Variants in GPR39 observed in about 807,000 individuals in gnomAD.
GPR39 encodes zinc sensing receptor.
In GPR39, 23 loss-of-function variants were observed where a neutral mutation model predicts 18.4. The observed-to-expected ratio is 1.25, with a 90% CI of 0.90 to 1.77. The LOEUF (loss-of-function observed/expected upper bound fraction) is 1.77, where lower values mean the gene tolerates loss of function less well. GPR39 is among the 40% of genes most tolerant of loss of function. The probability of loss-of-function intolerance (pLI) is 0.00; values close to 1 mark genes in which losing one functional copy is unlikely to be tolerated. For missense variants in GPR39, 647 were observed against 602.4 expected (o/e 1.07, Z -0.78); for synonymous variants, 280 against 257.9 (o/e 1.09, Z -0.82).
At chr2:132,530,114 T>A (rs1304730341) in intron 1 of GPR39, among the ~76,000 whole-genome samples, 4 of 151,656 alleles carry the variant, frequency 2.6e-5, no homozygotes, top group Admixed American at 2.6e-4. Context: ...AAAAAAAAAA[T>A]TAGACGAATG....
intron 1 of GPR39, among the ~76,000 whole-genome samples, chr2:132,559,523 A>G (rs1680209604): frequency 6.6e-6 from 1 of 152,066 alleles, no homozygotes; most frequent in Non-Finnish European, 1.5e-5. Flanking sequence ...AGTGCTGAGG[A>G]TAAGAAAAGC....
intron 1 of GPR39, among the ~76,000 whole-genome samples, chr2:132,542,187 T>C (rs947777037): frequency 1.3e-5 from 2 of 152,132 alleles, no homozygotes; most frequent in African/African-American, 4.8e-5. Context: ...CATGAAACAA[T>C]ACATGCAAAG....
At chr2:132,614,692 A>G (rs1681302000) in intron 1 of GPR39, among the ~76,000 whole-genome samples, 1 of 152,122 alleles carries the variant, frequency 6.6e-6, no homozygotes, top group Non-Finnish European at 1.5e-5. Context: ...CTGAGATTAC[A>G]GGCGCATGCC....
intron 1 of GPR39, among the ~76,000 whole-genome samples, chr2:132,517,054 AT>A (rs57002536): frequency 0.018 from 2,795 of 151,410 alleles, 84 homozygotes; most frequent in African/African-American, 0.062. Context: ...TAAAATGCGC[AT>A]TTTTTTTTAA....
At position 132,440,686 on chromosome 2, in the gene GPR39, C is replaced by T. The variant is rs1263875277; in HGVS notation, c.856+22788C>T. Among the ~76,000 whole-genome samples the T allele has an allele frequency of 1.1e-4, 16 of 152,080 alleles. No homozygotes were observed. In the East Asian group the frequency reaches 1.4e-3, roughly 13 times the overall value. ...CAGTGTGGAAGGAAGGAACTCATGG[C>T]GTGCTCAGCCAAAGTACTTTAGAGA... is the stretch of plus-strand genomic sequence containing the variant. On this transcript the variant is annotated intron_variant, in intron 1 of 1. Transcript: ENST00000329321.
chr2:132,445,287 A>G (rs1680514760), intron 1 of GPR39, among the ~76,000 whole-genome samples: 1 of 152,186 alleles, frequency 6.6e-6, no homozygotes. Flanking sequence ...TAGAGTCTAT[A>G]TAATATGATG....
chr2:132,565,545 C>T (rs1427116761), intron 1 of GPR39, among the ~76,000 whole-genome samples: 1 of 107,458 alleles, frequency 9.3e-6, no homozygotes, highest in African/African-American at 3.6e-5. Context: ...TGCCATCCCT[C>T]CCCCCTCCCC....
At chr2:132,534,730 A>G (rs7371626) in intron 1 of GPR39, among the ~76,000 whole-genome samples, 151,250 of 151,272 alleles carry the variant, frequency 1, 75,615 homozygotes, top group Middle Eastern at 1. Flanking sequence ...TCAGCAAACT[A>G]TCGCAAGGAC....
At chr2:132,624,064 G>GAT (rs1681495377) in intron 1 of GPR39, among the ~76,000 whole-genome samples, 1 of 152,198 alleles carries the variant, frequency 6.6e-6, no homozygotes, top group African/African-American at 2.4e-5. Context: ...GGGCTACCAT[G>GAT]ATAAAATAAC....
At chr2:132,582,451 G>A (rs1429593508) in intron 1 of GPR39, among the ~76,000 whole-genome samples, 2 of 152,240 alleles carry the variant, frequency 1.3e-5, no homozygotes, top group Non-Finnish European at 2.9e-5. Context: ...CTCAGTGGCT[G>A]GGAGAAGGCC....
In GPR39 at chr2:132,422,265, C is replaced by T. The variant is rs371996200; in HGVS notation, c.856+4367C>T. Among the ~76,000 whole-genome samples the T allele has an allele frequency of 3.1e-4, 47 of 152,308 alleles. 1 individual carries two copies. In the East Asian group the frequency reaches 3.9e-3, roughly 13 times the overall value. On this transcript the variant is annotated intron_variant, in intron 1 of 1. Coordinates refer to ENST00000329321, the MANE Select transcript of GPR39 (RefSeq NM_001508.3). ...TCTTTCATAATTATCTGGTCTAATT[C>T]GAGCAAATCTTTGCTTGTCAGTGGC...
At chr2:132,521,255 C>T (rs1000239554) in intron 1 of GPR39, among the ~76,000 whole-genome samples, 1 of 152,242 alleles carries the variant, frequency 6.6e-6, no homozygotes, top group Non-Finnish European at 1.5e-5. Context: ...GCCTGAGAGA[C>T]GTTGCCCCAA....
intron 1 of GPR39, among the ~76,000 whole-genome samples, chr2:132,522,845 G>A (rs1679449412): frequency 1.3e-5 from 2 of 152,238 alleles, no homozygotes; most frequent in Non-Finnish European, 2.9e-5. Context: ...GCAACCTTCT[G>A]AGAATAGATA....
At chr2:132,597,664 C>A (rs931352365) in intron 1 of GPR39, among the ~76,000 whole-genome samples, 4 of 152,200 alleles carry the variant, frequency 2.6e-5, no homozygotes, top group Admixed American at 2.0e-4. Context: ...AAGCCATAGG[C>A]ATTTGGCATG....
At chr2:132,545,836 C>T (rs1178399371) in intron 1 of GPR39, among the ~76,000 whole-genome samples, 1 of 152,176 alleles carries the variant, frequency 6.6e-6, no homozygotes, top group East Asian at 1.9e-4. Context: ...TGCAGATAAA[C>T]TGGTCCAAGA....
intron 1 of GPR39, among the ~76,000 whole-genome samples, chr2:132,505,750 T>C (rs1163961083): frequency 6.6e-6 from 1 of 152,252 alleles, no homozygotes; most frequent in Non-Finnish European, 1.5e-5. Flanking sequence ...TTTATGGCCA[T>C]ATAGTAATCC....
At chr2:132,574,032 T>C (rs1055943964) in intron 1 of GPR39, among the ~76,000 whole-genome samples, 1 of 152,242 alleles carries the variant, frequency 6.6e-6, no homozygotes, top group Non-Finnish European at 1.5e-5. Context: ...TGCTGATATT[T>C]TTATCATATC....
chr2:132,640,640 A>T (rs1681840976), intron 1 of GPR39, among the ~76,000 whole-genome samples: 1 of 147,142 alleles, frequency 6.8e-6, no homozygotes, highest in Non-Finnish European at 1.5e-5. Flanking sequence ...GATTTTTTCC[A>T]GATGTGATAT....
intron 1 of GPR39, among the ~76,000 whole-genome samples, chr2:132,567,914 T>A (rs1472906529): frequency 6.6e-6 from 1 of 151,976 alleles, no homozygotes. Context: ...TGTCTGCCGC[T>A]ATGTGAGACA....
Sources: gnomAD v4.1 joint callset for allele counts (sites outside exome capture counted in the v4.1 genomes callset) on GRCh38, gnomAD v4.1.1 for gene constraint, MANE v1.5 for transcripts, NCBI Gene and HGNC (gene_info 2026-07-23, HGNC 2026-07-21) for gene names.